The following STX18 variants were observed in gnomAD, a reference collection of about 807,000 sequenced individuals.
STX18 encodes the protein syntaxin 18.
In STX18, 40 loss-of-function variants were observed where a neutral mutation model predicts 50.1. The ratio of observed to expected loss-of-function variants is 0.80; its 90% CI spans 0.62 to 1.04. The LOEUF is 1.04. Among genes scored for constraint, STX18 ranks in the 50% least tolerant of loss-of-function variants. STX18 has a pLI of 0.00. For missense variants in STX18, 410 were observed against 415.8 expected (o/e 0.99, Z 0.12); for synonymous variants, 158 against 151.8 (o/e 1.04, Z -0.30).
chr4:4,454,923 A>G (rs1431827066), intron 5 of STX18, among the ~76,000 whole-genome samples: 3 of 152,258 alleles, frequency 2.0e-5, no homozygotes. Flanking sequence ...AGATAATAGT[A>G]CAAATTAACA....
intron 5 of STX18, among the ~76,000 whole-genome samples, chr4:4,443,224 A>G (rs1201702611): frequency 3.3e-5 from 5 of 152,252 alleles, no homozygotes. Context: ...AATTATAGCA[A>G]TTTCGTAATT....
chr4:4,508,432 T>C lies in STX18; in HGVS notation c.168+33365A>G, dbSNP rs113287245. Among the ~76,000 whole-genome samples, 314 of 152,304 alleles carry C rather than the reference T, an allele frequency of 2.1e-3. 1 individual carries two copies. The highest frequency in any genetic ancestry group is 7.1e-3 in the African/African-American group (295 of 41,552). ...TTTTGTGTGTTGCACAAAGATTATA[T>C]ATAAAATATACATGAGAAGTTTGTT... is the stretch of plus-strand genomic sequence containing the variant. On this transcript the variant is annotated intron_variant, in intron 1 of 10. Transcript: ENST00000306200.
intron 5 of STX18, among the ~76,000 whole-genome samples, chr4:4,440,476 T>C (rs1309169494): frequency 6.6e-6 from 1 of 152,212 alleles, no homozygotes; most frequent in Non-Finnish European, 1.5e-5. Flanking sequence ...CTGAAGCCCA[T>C]GCTCGTAACA....
intron 5 of STX18, among the ~76,000 whole-genome samples, chr4:4,450,651 G>T (rs969949896): frequency 6.6e-6 from 1 of 151,958 alleles, no homozygotes; most frequent in Non-Finnish European, 1.5e-5. Flanking sequence ...GTAACCACCC[G>T]CCTCTACCAC....
chr4:4,529,323 C>T (rs984253266), intron 1 of STX18, among the ~76,000 whole-genome samples: 2 of 152,150 alleles, frequency 1.3e-5, no homozygotes, highest in African/African-American at 4.8e-5. Flanking sequence ...GATCGCGCCA[C>T]TGCACTCCAG....
chr4:4,540,714 G>A (rs926025531), intron 1 of STX18, among the ~76,000 whole-genome samples: 1 of 152,106 alleles, frequency 6.6e-6, no homozygotes, highest in Non-Finnish European at 1.5e-5. Flanking sequence ...CTTCATAGAC[G>A]GTCATCAATA....
intron 7 of STX18, among the ~76,000 whole-genome samples, chr4:4,430,591 G>A (rs1449739750): frequency 2.6e-5 from 4 of 152,182 alleles, no homozygotes; most frequent in South Asian, 2.1e-4. Context: ...GGGAGTGGCC[G>A]CTGGTGTCTT....
At chr4:4,441,957 C>T (rs1216594341) in intron 5 of STX18, among the ~76,000 whole-genome samples, 1 of 152,096 alleles carries the variant, frequency 6.6e-6, no homozygotes, top group Non-Finnish European at 1.5e-5. Flanking sequence ...TGTAAATGCT[C>T]GAATCTAGGG....
intron 1 of STX18, among the ~76,000 whole-genome samples, chr4:4,532,919 A>C (rs1731166986): frequency 7.0e-6 from 1 of 143,622 alleles, no homozygotes; most frequent in Admixed American, 6.9e-5. Flanking sequence ...GAAATGTTAC[A>C]ATATTGTGAA....
chr4:4,502,634 A>G (rs1577380760), intron 1 of STX18, among the ~76,000 whole-genome samples: 1 of 152,220 alleles, frequency 6.6e-6, no homozygotes, highest in Non-Finnish European at 1.5e-5. Flanking sequence ...TGTTGAAGAA[A>G]AAAAAATACA....
intron 1 of STX18, among the ~76,000 whole-genome samples, chr4:4,524,079 T>C (rs1028949389): frequency 3.3e-5 from 5 of 152,206 alleles, no homozygotes; most frequent in African/African-American, 1.2e-4. Flanking sequence ...AAGTCAGACA[T>C]TGTCTCACTC....
intron 1 of STX18, among the ~76,000 whole-genome samples, chr4:4,479,877 A>G (rs185790799): frequency 3.9e-5 from 6 of 152,312 alleles, no homozygotes; most frequent in Admixed American, 1.3e-4. Context: ...CAGCATCCCA[A>G]TAGGCAAACA....
intron 5 of STX18, among the ~76,000 whole-genome samples, chr4:4,444,563 G>A (rs1338901480): frequency 6.6e-6 from 1 of 152,224 alleles, no homozygotes; most frequent in African/African-American, 2.4e-5. Flanking sequence ...ATTCCACTGG[G>A]AGAGGACAGC....
intron 7 of STX18, among the ~76,000 whole-genome samples, chr4:4,429,278 C>T (rs566519286): frequency 6.6e-6 from 1 of 152,150 alleles, no homozygotes; most frequent in African/African-American, 2.4e-5. Flanking sequence ...CTGCTTTATC[C>T]CATTTAGAAG....
At chr4:4,511,372 G>A (rs776622353) in intron 1 of STX18, among the ~76,000 whole-genome samples, 1 of 152,108 alleles carries the variant, frequency 6.6e-6, no homozygotes, top group Non-Finnish European at 1.5e-5. Context: ...CTATGAAACT[G>A]AACACTTGAT....
At chr4:4,480,431 C>T (rs762533918) in intron 1 of STX18, among the ~76,000 whole-genome samples, 1 of 152,162 alleles carries the variant, frequency 6.6e-6, no homozygotes, top group African/African-American at 2.4e-5. Flanking sequence ...CACTCCTATG[C>T]GTGAGGCTCT....
At position 4,475,342 on chromosome 4, in the gene STX18, TAACTC is replaced by T. The variant is rs373922410; in HGVS notation, c.169-3641_169-3637del. Among the ~76,000 whole-genome samples the T allele has an allele frequency of 2.3e-3, 346 of 152,226 alleles. 2 individuals carry two copies. The highest frequency in any genetic ancestry group is 7.8e-3 in the African/African-American group (322 of 41,524). ...TACTGACTAAATTACATCAGTATAA[TAACTC>T]AATACTTAACAGGAACACAATGTAT... On this transcript the variant is annotated intron_variant, in intron 1 of 10. Coordinates refer to ENST00000306200, the MANE Select transcript of STX18 (RefSeq NM_016930.4).
chr4:4,507,644 G>A, intron 1 of STX18: 1 of 775,472 alleles, frequency 1.3e-6, no homozygotes, highest in Non-Finnish European at 2.4e-6. Flanking sequence ...ACGTGAACTG[G>A]ATGGCAGCCG....
rs891733377 is a variant in STX18, at chr4:4,440,952, G to T, written c.498-2443C>A. Among the ~76,000 whole-genome samples, 6 of 152,174 alleles carry T rather than the reference G, an allele frequency of 3.9e-5. No homozygotes were observed. The East Asian group carries it at 1.2e-3, about 29-fold the overall frequency. ...GAGGGTGCAGTTAGAAGGCAACTAG[G>T]GCTGCAGTCATCTGAAGGGCTGACC... On this transcript the variant is annotated intron_variant, in intron 5 of 10. Coordinates refer to ENST00000306200, the MANE Select transcript of STX18 (RefSeq NM_016930.4).
Sources: gnomAD v4.1 joint callset for allele counts (sites outside exome capture counted in the v4.1 genomes callset) on GRCh38, gnomAD v4.1.1 for gene constraint, MANE v1.5 for transcripts, NCBI Gene and HGNC (gene_info 2026-07-23, HGNC 2026-07-21) for gene names.